Variants in BACH2 observed in about 807,000 individuals in gnomAD.
The protein encoded by BACH2 is transcription regulator protein BACH2.
Under a neutral mutation model 61.8 loss-of-function variants are expected in BACH2, and 5 were observed. The ratio of observed to expected loss-of-function variants is 0.08; its 90% CI spans 0.04 to 0.17. The LOEUF is 0.17. Ranked by LOEUF, BACH2 falls within the 10% of genes least tolerant of loss-of-function variation. The pLI is 1.00. For missense variants in BACH2, 824 were observed against 1,091.1 expected, an observed-to-expected ratio of 0.76 and a Z score of 3.45; for synonymous variants, 446 against 440.1, an observed-to-expected ratio of 1.01 and a Z score of -0.17.
intron 4 of BACH2, among the ~76,000 whole-genome samples, chr6:90,154,887 C>G (rs7743505): frequency 2.8e-4 from 42 of 152,100 alleles, no homozygotes; most frequent in Non-Finnish European, 5.0e-4. Flanking sequence ...GGATAACCCA[C>G]ATGCTGGCCC....
At position 89,996,744 on chromosome 6, in the gene BACH2, T is replaced by G. The variant is rs188131773; in HGVS notation, c.243+11858A>C. On this transcript the variant is annotated intron_variant, in intron 6 of 8. Coordinates refer to ENST00000257749, the MANE Select transcript of BACH2 (RefSeq NM_021813.4). ...TCCTGTCCTTCCCTCCACCTGAACC[T>G]CTGCAGCACAAACAACTGCCAGTAC... is the stretch of plus-strand genomic sequence containing the variant. Among the ~76,000 whole-genome samples the G allele has an allele frequency of 5.0e-3, 764 of 152,266 alleles. 6 individuals are homozygous for G. The highest frequency in any genetic ancestry group is 0.016 in the African/African-American group (674 of 41,548).
intron 5 of BACH2, among the ~76,000 whole-genome samples, chr6:90,038,206 G>A (rs1174078677): frequency 6.6e-6 from 1 of 152,152 alleles, no homozygotes; most frequent in Non-Finnish European, 1.5e-5. Flanking sequence ...ATGCAGAAAA[G>A]TATACCAACC....
At chr6:89,997,947 T>C (rs923598867) in intron 6 of BACH2, among the ~76,000 whole-genome samples, 1 of 152,126 alleles carries the variant, frequency 6.6e-6, no homozygotes, top group Admixed American at 6.5e-5. Context: ...GTTTTGCATA[T>C]AAAGAATACA....
chr6:89,943,260 T>A (rs966868054), intron 7 of BACH2, among the ~76,000 whole-genome samples: 6 of 152,134 alleles, frequency 3.9e-5, no homozygotes, highest in African/African-American at 1.4e-4. Context: ...GAGGGGAGGC[T>A]GTAGGCTGGG....
At chr6:90,252,687 T>C (rs961279637) in intron 2 of BACH2, 97 bp from the exon 3 acceptor site, 1 of 152,168 alleles carries the variant, frequency 6.6e-6, no homozygotes, top group Admixed American at 6.5e-5. Context: ...AGAAGCTGTA[T>C]TGGTACAAAA....
At chr6:89,949,077 G>A (rs1160860324) in intron 7 of BACH2, among the ~76,000 whole-genome samples, 1 of 152,132 alleles carries the variant, frequency 6.6e-6, no homozygotes, top group Non-Finnish European at 1.5e-5. Context: ...TGCAGAGGCT[G>A]AATAAACTGC....
intron 4 of BACH2, among the ~76,000 whole-genome samples, chr6:90,099,603 G>A (rs1221917075): frequency 1.3e-5 from 2 of 152,094 alleles, no homozygotes; most frequent in African/African-American, 2.4e-5. Flanking sequence ...CACAGCTTCT[G>A]AAACACAGAA....
At chr6:90,194,135 G>A (rs1768671925) in intron 4 of BACH2, among the ~76,000 whole-genome samples, 2 of 152,060 alleles carry the variant, frequency 1.3e-5, no homozygotes, top group South Asian at 4.2e-4. Flanking sequence ...TTTTACTTGG[G>A]TACTAAAGAT....
rs1434320067 is a variant in BACH2, at chr6:89,928,239, G to C, written c.*4169C>G. 6.6e-6 allele frequency: 1 copy of C among 152,336 alleles called. No homozygotes were observed. The allele number at this position is 152,336 out of a possible 1,614,324, so 9.4% of individuals were successfully genotyped here. On this transcript the variant is annotated 3_prime_UTR_variant, in exon 9 of 9. Transcript: ENST00000257749. ...GACTCCTCCTAAACTGTAAGCAATAGTGAAGCAGTTTGAAGTCATTTCTAA... is the reference window on the plus strand; with the variant it reads ...GACTCCTCCTAAACTGTAAGCAATACTGAAGCAGTTTGAAGTCATTTCTAA...
At chr6:90,107,584 T>C (rs1214430482) in intron 4 of BACH2, among the ~76,000 whole-genome samples, 1 of 152,098 alleles carries the variant, frequency 6.6e-6, no homozygotes. Context: ...CTGGCTAGGA[T>C]TGAGCTTACA....
chr6:90,116,723 T>C (rs1783416760), intron 4 of BACH2: 1 of 403,680 alleles, frequency 2.5e-6, no homozygotes, highest in Non-Finnish European at 4.7e-6. Context: ...GTCCACACTT[T>C]GTCTACAATC....
rs555627458 is a variant in BACH2 at position 90,013,538 on chromosome 6, G to A, written c.-12-4682C>T. On this transcript the variant is annotated intron_variant, in intron 5 of 8. Coordinates refer to ENST00000257749, the MANE Select transcript of BACH2 (RefSeq NM_021813.4). ...TTTTTTTTTTTTGAGATGGAGTCTC[G>A]CTCTGTCGCCCAGGCTGGAGTGCAG... Among the ~76,000 whole-genome samples, 342 of 127,894 alleles carry A rather than the reference G, an allele frequency of 2.7e-3. 1 individual carries two copies. Among genetic ancestry groups the A allele is most frequent in the African/African-American group, 8.1e-3 (266 of 32,926 alleles). 83.9% of individuals were successfully genotyped at this position (127,894 alleles called of 152,430 possible). A position where few individuals can be genotyped will look rare whatever the true frequency, so the allele number is the denominator to read the frequency against.
intron 6 of BACH2, among the ~76,000 whole-genome samples, chr6:90,004,753 G>A (rs961470312): frequency 3.3e-5 from 5 of 152,152 alleles, no homozygotes; most frequent in Admixed American, 6.5e-5. Flanking sequence ...AATGAGCAGT[G>A]GAAGAACGGC....
chr6:90,201,012 G>C (rs1239160038), intron 4 of BACH2, among the ~76,000 whole-genome samples: 47 of 152,076 alleles, frequency 3.1e-4, no homozygotes, highest in Admixed American at 3.1e-3. Context: ...TGCACATGCT[G>C]TTATATAACT....
chr6:90,209,085 G>A (rs956877123), intron 3 of BACH2, among the ~76,000 whole-genome samples: 8 of 152,104 alleles, frequency 5.3e-5, no homozygotes, highest in Non-Finnish European at 1.0e-4. Context: ...GATAGCATTA[G>A]GAGAAATACC....
intron 5 of BACH2, among the ~76,000 whole-genome samples, chr6:90,017,598 T>C (rs1778137520): frequency 6.6e-6 from 1 of 152,192 alleles, no homozygotes; most frequent in African/African-American, 2.4e-5. Flanking sequence ...GCCATCAATC[T>C]TTTCCAGCAT....
chr6:90,190,972 C>A (rs964696897), intron 4 of BACH2, among the ~76,000 whole-genome samples: 6 of 152,290 alleles, frequency 3.9e-5, no homozygotes, highest in African/African-American at 1.4e-4. Flanking sequence ...AACTCTGAAC[C>A]ATCACAAATC....
chr6:90,009,262 A>C (rs1777579112), intron 5 of BACH2, among the ~76,000 whole-genome samples: 1 of 152,234 alleles, frequency 6.6e-6, no homozygotes, highest in South Asian at 2.1e-4. Flanking sequence ...ATTTGTGTGA[A>C]GAGGAAATGA....
intron 4 of BACH2, among the ~76,000 whole-genome samples, chr6:90,182,746 T>A (rs962318418): frequency 2.0e-5 from 3 of 152,176 alleles, no homozygotes; most frequent in African/African-American, 7.2e-5. Context: ...ATCCCTTGCT[T>A]TTAAATAATA....
Sources: gnomAD v4.1 joint callset for allele counts (sites outside exome capture counted in the v4.1 genomes callset) on GRCh38, gnomAD v4.1.1 for gene constraint, MANE v1.5 for transcripts, NCBI Gene and HGNC (gene_info 2026-07-23, HGNC 2026-07-21) for gene names.